The following SLC17A4 variants were observed in gnomAD, a reference collection of about 807,000 sequenced individuals.
SLC17A4 encodes probable small intestine urate exporter.
SLC17A4 carries 33 observed loss-of-function variants against 52.5 expected under a neutral mutation model. The ratio of observed to expected loss-of-function variants is 0.63; its 90% CI spans 0.48 to 0.84. The LOEUF is 0.84. SLC17A4 is among the 40% of genes least tolerant of loss of function. The probability of loss-of-function intolerance (pLI) is 0.00; values close to 1 mark genes in which losing one functional copy is unlikely to be tolerated. For missense variants in SLC17A4, 585 were observed against 597.1 expected, an observed-to-expected ratio of 0.98 and a Z score of 0.21; for synonymous variants, 225 against 216.2, an observed-to-expected ratio of 1.04 and a Z score of -0.36.
intron 8 of SLC17A4, among the ~76,000 whole-genome samples, chr6:25,774,742 A>G (rs1762756914): frequency 6.6e-6 from 1 of 152,200 alleles, no homozygotes; most frequent in South Asian, 2.1e-4. Context: ...AAATGGGAAA[A>G]TGAATGGAAA....
intron 6 of SLC17A4, among the ~76,000 whole-genome samples, chr6:25,772,549 A>G (rs551471825): frequency 4.1e-4 from 63 of 152,316 alleles, no homozygotes; most frequent in Middle Eastern, 3.4e-3. Context: ...CTCAATACTG[A>G]TAATGTTAAA....
intron 2 of SLC17A4, among the ~76,000 whole-genome samples, chr6:25,765,081 G>A (rs2151429990): frequency 6.6e-6 from 1 of 152,314 alleles, no homozygotes; most frequent in Non-Finnish European, 1.5e-5. Context: ...TTCAAAATGT[G>A]AGAACAAAGT....
chr6:25,758,937 G>T (rs1247879543), intron 1 of SLC17A4, among the ~76,000 whole-genome samples: 2 of 152,020 alleles, frequency 1.3e-5, no homozygotes, highest in Non-Finnish European at 2.9e-5. Flanking sequence ...GCATTTAATG[G>T]TATGAACTTT....
chr6:25,769,553 G>C (rs1762302217), intron 3 of SLC17A4, among the ~76,000 whole-genome samples: 1 of 148,008 alleles, frequency 6.8e-6, no homozygotes, highest in Admixed American at 6.7e-5. Context: ...GTGAGATTCT[G>C]TCTTAAAAAA....
At chr6:25,755,760 G>T (rs1192921452) in intron 1 of SLC17A4, among the ~76,000 whole-genome samples, 3 of 152,124 alleles carry the variant, frequency 2.0e-5, no homozygotes, top group Non-Finnish European at 4.4e-5. Flanking sequence ...TCCCTTCTGG[G>T]TCTAACAGGA....
intron 8 of SLC17A4, among the ~76,000 whole-genome samples, chr6:25,775,392 C>T (rs1390753382): frequency 6.6e-6 from 1 of 151,494 alleles, no homozygotes; most frequent in Non-Finnish European, 1.5e-5. Flanking sequence ...TCTGCCCTGT[C>T]CTCCCAGCCC....
Position 25,773,650 on chromosome 6 carries a change from G to C in SLC17A4, c.963G>C (p.Ser321=). Residue 321 remains serine (S), a synonymous_variant, in exon 8 of 12, where the codon TCG becomes TCC. Coordinates refer to ENST00000377905, the MANE Select transcript of SLC17A4 (RefSeq NM_005495.3). The part of the protein sequence containing the change: ...IMAYTPTYIS[S]VLQANLRDSG... ...CGTACACACCAACGTACATCAGCTC[G>C]GTACTTCAAGCCAACCTCAGAGATG... The C allele has an allele frequency of 6.2e-7, 1 of 1,613,476 alleles. No homozygotes were observed. The highest frequency in any genetic ancestry group is 8.5e-7 in the Non-Finnish European group (1 of 1,179,694).
chr6:25,777,911 A>G lies in SLC17A4; in HGVS notation c.1269-15A>G. Reference sequence around the variant, plus strand: ...GTATACTTGGTTATAATAGAGTACCATCTCTCTCTCTCAGGTACACTGGCT... The same window carrying G: ...GTATACTTGGTTATAATAGAGTACCGTCTCTCTCTCTCAGGTACACTGGCT... On this transcript the variant is annotated splice_polypyrimidine_tract_variant and intron_variant, in intron 10 of 11. Coordinates refer to ENST00000377905, the MANE Select transcript of SLC17A4 (RefSeq NM_005495.3). 6 of 1,584,606 alleles carry G rather than the reference A, an allele frequency of 3.8e-6. No individual in the cohort carries two copies. Among genetic ancestry groups the G allele is most frequent in the Non-Finnish European group, 5.2e-6 (6 of 1,154,064 alleles).
chr6:25,769,108 G>C lies in SLC17A4; in HGVS notation c.215G>C (p.Ser72Thr). The C allele has an allele frequency of 1.2e-6, 2 of 1,613,948 alleles. No individual in the cohort carries two copies. Among genetic ancestry groups the C allele is most frequent in the Non-Finnish European group, 1.7e-6 (2 of 1,179,974 alleles). The change falls in exon 3 of 12, where the codon AGC becomes ACC. Residue 72 changes from serine to threonine, a missense_variant. By Grantham distance (58) the Ser-to-Thr change is moderately conservative (BLOSUM62 1). Coordinates refer to ENST00000377905, the MANE Select transcript of SLC17A4 (RefSeq NM_005495.3). ...ATGGTGAACAACACAGCCCCACCTA[G>C]CCAGCCCAATGCTTCCACAGAACGG... ...PAMVNNTAPP[S>T]QPNASTERPS...
At chr6:25,775,843 C>T (rs1019850962) in intron 8 of SLC17A4, among the ~76,000 whole-genome samples, 8 of 152,074 alleles carry the variant, frequency 5.3e-5, no homozygotes, top group Non-Finnish European at 7.4e-5. Flanking sequence ...AGTAATATGC[C>T]GCTATGCTTA....
At position 25,776,591 on chromosome 6, in the gene SLC17A4, T is replaced by A. The variant is rs1425436038; in HGVS notation, c.988-4T>A. 6.3e-7 allele frequency: 1 copy of A among 1,597,084 alleles called. No homozygotes were observed. Among genetic ancestry groups the A allele is most frequent in the Non-Finnish European group, 8.5e-7 (1 of 1,171,188 alleles). On this transcript the variant is annotated splice_region_variant and splice_polypyrimidine_tract_variant and intron_variant, in intron 8 of 11. Coordinates refer to ENST00000377905, the MANE Select transcript of SLC17A4 (RefSeq NM_005495.3). ...ATGCACCTGACCTAGTCTCTGGTCC[T>A]CAGAGTGGGATCCTGTCTGCCTTGC...
intron 8 of SLC17A4, among the ~76,000 whole-genome samples, chr6:25,774,118 A>G (rs1307107649): frequency 2.6e-5 from 4 of 152,208 alleles, no homozygotes; most frequent in Admixed American, 1.3e-4. Flanking sequence ...TAAGACATTA[A>G]TAGGACATAA....
intron 2 of SLC17A4, among the ~76,000 whole-genome samples, chr6:25,766,392 T>A (rs1762022434): frequency 6.6e-6 from 1 of 152,164 alleles, no homozygotes; most frequent in Non-Finnish European, 1.5e-5. Flanking sequence ...TTCCAAATAG[T>A]TCATATAGCA....
intron 11 of SLC17A4, among the ~76,000 whole-genome samples, chr6:25,778,834 A>T (rs570681843): frequency 1.3e-5 from 2 of 152,318 alleles, no homozygotes; most frequent in South Asian, 4.1e-4. Context: ...GATGTGAGAC[A>T]AATAGGTATC....
chr6:25,764,645 G>C (rs181877003), intron 2 of SLC17A4, among the ~76,000 whole-genome samples: 1 of 152,202 alleles, frequency 6.6e-6, no homozygotes, highest in East Asian at 1.9e-4. Flanking sequence ...ATGCTGTGGA[G>C]CTTCAGCTTG....
chr6:25,775,031 T>C (rs996365365), intron 8 of SLC17A4, among the ~76,000 whole-genome samples: 1 of 152,182 alleles, frequency 6.6e-6, no homozygotes, highest in Non-Finnish European at 1.5e-5. Context: ...TTAAAAACTA[T>C]ATTGAAACAT....
intron 2 of SLC17A4, among the ~76,000 whole-genome samples, chr6:25,763,336 A>G (rs939405468): frequency 6.6e-6 from 1 of 152,216 alleles, no homozygotes; most frequent in Non-Finnish European, 1.5e-5. Flanking sequence ...ATCCTACCTA[A>G]TAAGGCAGAA....
At position 25,780,951 on chromosome 6, in the gene SLC17A4, T is replaced by C. The variant is rs959357476; in HGVS notation, c.*1763T>C. On this transcript the variant is annotated 3_prime_UTR_variant, in exon 12 of 12. Coordinates refer to ENST00000377905, the MANE Select transcript of SLC17A4 (RefSeq NM_005495.3). ...CAGACAGCAACACAGATAGCAATTA[T>C]ATCCAAGTGTAGACAACAAGAAGGA... 6.6e-6 allele frequency: 1 copy of C among 152,190 alleles called. No individual in the cohort carries two copies. Among genetic ancestry groups the C allele is most frequent in the Admixed American group, 6.6e-5 (1 of 15,264 alleles). The allele number at this position is 152,190 out of a possible 1,614,324, so 9.4% of individuals were successfully genotyped here. A position where few individuals can be genotyped will look rare whatever the true frequency, so the allele number is the denominator to read the frequency against.
intron 8 of SLC17A4, among the ~76,000 whole-genome samples, chr6:25,775,016 A>T (rs977905002): frequency 4.6e-5 from 7 of 152,204 alleles, no homozygotes; most frequent in Non-Finnish European, 7.3e-5. Context: ...ACAAGGTTCA[A>T]CATTTTAAAA....
Sources: gnomAD v4.1 joint callset for allele counts (sites outside exome capture counted in the v4.1 genomes callset) on GRCh38, gnomAD v4.1.1 for gene constraint, MANE v1.5 for transcripts, NCBI Gene and HGNC (gene_info 2026-07-23, HGNC 2026-07-21) for gene names.